Variants in TLE2 observed in about 807,000 individuals in gnomAD.
TLE2 encodes the protein TLE family member 2, transcriptional corepressor.
In TLE2, 74 loss-of-function variants were observed where a neutral mutation model predicts 97.2. That is an observed-to-expected ratio of 0.76 (90% CI 0.63 to 0.92). The LOEUF is 0.92. TLE2 is among the 40% of genes least tolerant of loss of function. TLE2 has a pLI of 0.00. For missense variants in TLE2, 1,038 were observed against 1,008.7 expected (o/e 1.03, Z -0.39); for synonymous variants, 499 against 432.1 (o/e 1.15, Z -1.92).
intron 5 of TLE2, 70 bp downstream of exon 5, chr19:3,024,950 C>T: frequency 7.1e-7 from 1 of 1,412,878 alleles, no homozygotes; most frequent in South Asian, 1.3e-5. Flanking sequence ...GGCGTCCTCG[C>T]CCAGACCTAC....
chr19:3,022,634 A>G (rs1413189060), intron 5 of TLE2, among the ~76,000 whole-genome samples: 1 of 152,142 alleles, frequency 6.6e-6, no homozygotes, highest in Non-Finnish European at 1.5e-5. Context: ...GCCGTGTAGG[A>G]TAGCGGAACA....
upstream of TLE2, among the ~76,000 whole-genome samples, chr19:3,032,428 G>A (rs1044424073): frequency 5.3e-5 from 8 of 151,698 alleles, no homozygotes; most frequent in East Asian, 1.2e-3. The surrounding 1 kb of genome is among the most constrained non-coding windows in gnomAD (Gnocchi z 4.1). Context: ...AGTAGAGACC[G>A]GCTTTCGCTA....
chr19:3,019,618 G>A lies in TLE2; in HGVS notation c.369+81C>T, dbSNP rs888565270. 9.7e-6 allele frequency: 15 copies of A among 1,548,042 alleles called. No homozygotes were observed. Among genetic ancestry groups the A allele is most frequent in the Non-Finnish European group, 1.2e-5 (14 of 1,144,606 alleles). ...GAGCCAAGGCCCACACACCACCCCA[G>A]CTTTAACACCTCCTGGGTGGGTGCC... On this transcript the variant is annotated intron_variant, in intron 6 of 19. Transcript: ENST00000262953. This position sits in a 1 kb window ranked among gnomAD's most constrained non-coding sequence, Gnocchi z 5.1.
chr19:3,004,017 T>A (rs1167436254), intron 17 of TLE2, among the ~76,000 whole-genome samples: 1 of 152,078 alleles, frequency 6.6e-6, no homozygotes, highest in Non-Finnish European at 1.5e-5. Flanking sequence ...TCGGTTTGAT[T>A]TTTAAAAGAT....
At position 3,025,668 on chromosome 19, in the gene TLE2, G is replaced by A. The variant is rs373969677; in HGVS notation, c.232-586C>T. The A allele has an allele frequency of 1.5e-5, 14 of 948,508 alleles. No individual in the cohort carries two copies. The African/African-American group carries it at 2.1e-4, about 14-fold the overall frequency. The allele number at this position is 948,508 out of a possible 1,614,324, so 58.8% of individuals were successfully genotyped here. On this transcript the variant is annotated intron_variant, in intron 4 of 19. Coordinates refer to ENST00000262953, the MANE Select transcript of TLE2 (RefSeq NM_003260.5). ...AAAGAGGCTGAGCAGACGAGAAGGC[G>A]TGTGGGTGGGGAAGGGGGCGGGCAT...
intron 4 of TLE2, chr19:3,025,760 C>T (rs1248675328): frequency 1.2e-5 from 3 of 258,664 alleles, no homozygotes; most frequent in African/African-American, 4.6e-5. Context: ...AAGTCTGTGT[C>T]TCCTATTCCC....
Position 3,028,709 on chromosome 19 carries a change from T to C in TLE2, c.119A>G (p.His40Arg). 1.2e-6 allele frequency: 2 copies of C among 1,611,296 alleles called. No individual in the cohort carries two copies. Among genetic ancestry groups the C allele is most frequent in the Non-Finnish European group, 1.7e-6 (2 of 1,179,164 alleles). ...EEFQFLQAQYHSLKLECEKLA... is the reference protein window; with the variant it reads ...EEFQFLQAQYRSLKLECEKLA... ...CCCCTGGGGCGGCCCCCCTCACCTG[T>C]GGTATTGAGCCTGAAGAAACTGGAA... The change falls in exon 2 of 20, where the codon CAC (histidine) becomes CGC (arginine). Residue 40 changes from histidine (H) to arginine (R), a missense_variant. Physicochemically the swap from His to Arg is conservative, Grantham distance 29 (BLOSUM62 0). Transcript: ENST00000262953.
In TLE2 at chr19:3,019,634, G is replaced by A; in HGVS notation, c.369+65C>T. The A allele has an allele frequency of 1.3e-6, 2 of 1,568,632 alleles. No homozygotes were observed. The highest frequency in any genetic ancestry group is 1.7e-6 in the Non-Finnish European group (2 of 1,156,668). ...ACCACCCCAGCTTTAACACCTCCTG[G>A]GTGGGTGCCAGGGACCTGGGAGTGG... On this transcript the variant is annotated intron_variant, in intron 6 of 19. Transcript: ENST00000262953. This position sits in a 1 kb window ranked among gnomAD's most constrained non-coding sequence, Gnocchi z 5.1.
chr19:3,045,163 A>G (rs1461615542), intron 1 of TLE2, among the ~76,000 whole-genome samples: 1 of 152,216 alleles, frequency 6.6e-6, no homozygotes, highest in Non-Finnish European at 1.5e-5. Context: ...GCAGTGAGCT[A>G]TGATAGCGCC....
At chr19:3,017,713 A>G (rs1170059694) in intron 8 of TLE2, 127 bp downstream of exon 8, 1 of 804,556 alleles carries the variant, frequency 1.2e-6, no homozygotes, top group Non-Finnish European at 1.9e-6. Context: ...CTGCCTACCA[A>G]AGTGCTGGGA....
At position 3,011,084 on chromosome 19, in the gene TLE2, G is replaced by A; in HGVS notation, c.950C>T (p.Pro317Leu). The A allele has an allele frequency of 7.5e-6, 12 of 1,610,422 alleles. No homozygotes were observed. The highest frequency in any genetic ancestry group is 1.0e-5 in the Non-Finnish European group (12 of 1,179,034). ...CTGGCAGAGGTGACTGGCCGAGCTG[G>A]GCCCGGGGGTGGAAGCGTCCTGGGG... ...SPPQDASTPGPSSASHLCQLA... is the reference protein window; with the variant it reads ...SPPQDASTPGLSSASHLCQLA... Residue 317 changes from proline to leucine, a missense_variant, in exon 12 of 20, where the codon CCC becomes CTC. Transcript: ENST00000262953.
At chr19:3,002,209 C>T in intron 18 of TLE2, 144 bp downstream of exon 18, 1 of 1,036,390 alleles carries the variant, frequency 9.6e-7, no homozygotes, top group Middle Eastern at 3.3e-4. Flanking sequence ...TTGGGATATA[C>T]TTGTACTAAC....
chr19:3,032,991 T>C (rs1305983715), upstream of TLE2, among the ~76,000 whole-genome samples: 1 of 151,590 alleles, frequency 6.6e-6, no homozygotes, highest in Non-Finnish European at 1.5e-5. The surrounding 1 kb of genome is among the most constrained non-coding windows in gnomAD (Gnocchi z 4.1). Context: ...TGGAGTGCAG[T>C]GGCACGATCT....
intron 8 of TLE2, among the ~76,000 whole-genome samples, chr19:3,017,452 CT>C (rs529847551): frequency 1.7e-3 from 212 of 123,782 alleles, no homozygotes; most frequent in Admixed American, 1.9e-3. Flanking sequence ...TTCTTTCTTT[CT>C]TTTTTTTTTT....
At chr19:3,014,671 C>A in intron 9 of TLE2, 57 bp from the exon 10 acceptor site, 1 of 1,468,322 alleles carries the variant, frequency 6.8e-7, no homozygotes, top group South Asian at 1.4e-5. Context: ...TCCACACCCC[C>A]TATCCGCTCC....
At chr19:3,030,326 C>G (rs1299415951), upstream of TLE2, among the ~76,000 whole-genome samples, 1 of 152,206 alleles carries the variant, frequency 6.6e-6, no homozygotes, top group South Asian at 2.1e-4. Context: ...GCTCCAGCCC[C>G]GACCAGAGAC....
intron 4 of TLE2, among the ~76,000 whole-genome samples, chr19:3,026,456 A>T (rs1268786644): frequency 9.5e-4 from 58 of 60,858 alleles, no homozygotes; most frequent in East Asian, 2.0e-3. Flanking sequence ...CTCAAAATTT[A>T]AAAAAAAAAA....
intron 12 of TLE2, 112 bp from the exon 13 acceptor site, chr19:3,009,814 C>T: frequency 2.2e-6 from 3 of 1,366,476 alleles, no homozygotes; most frequent in Non-Finnish European, 3.0e-6. Flanking sequence ...GCTGGTTCCA[C>T]ATTGGCCATA....
intron 8 of TLE2, among the ~76,000 whole-genome samples, chr19:3,017,108 C>A (rs970769216): frequency 4.6e-5 from 7 of 151,448 alleles, no homozygotes; most frequent in Non-Finnish European, 1.0e-4. Flanking sequence ...GGAAACCGGG[C>A]TATGGATCTT....
Sources: allele counts gnomAD v4.1 joint callset (sites outside exome capture counted in the v4.1 genomes callset), GRCh38; gene constraint gnomAD v4.1.1; non-coding constraint Gnocchi (gnomAD v3.1); transcripts MANE v1.5; gene names NCBI Gene and HGNC (gene_info 2026-07-23, HGNC 2026-07-21).